FRYL: variants seen among roughly 807,000 people sequenced by gnomAD.
The protein encoded by FRYL is protein furry homolog-like.
Under a neutral mutation model 351.2 loss-of-function variants are expected in FRYL, and 150 were observed. The ratio of observed to expected loss-of-function variants is 0.43; its 90% CI spans 0.37 to 0.49. The LOEUF (loss-of-function observed/expected upper bound fraction) is 0.49, where lower values mean the gene tolerates loss of function less well. FRYL is among the 20% of genes least tolerant of loss of function. The probability of loss-of-function intolerance (pLI) is 0.00; values close to 1 mark genes in which losing one functional copy is unlikely to be tolerated. For missense variants in FRYL, 3,036 were observed against 3,619.3 expected, an observed-to-expected ratio of 0.84 and a Z score of 4.13; for synonymous variants, 1,153 against 1,257.1, an observed-to-expected ratio of 0.92 and a Z score of 1.75.
At chr4:48,647,633 G>A (rs1272781013) in intron 3 of FRYL, among the ~76,000 whole-genome samples, 2 of 152,132 alleles carry the variant, frequency 1.3e-5, no homozygotes, top group Non-Finnish European at 2.9e-5. Flanking sequence ...TCTCAAATGA[G>A]GTGAACCTAG....
chr4:48,540,236 C>A, intron 46 of FRYL, 117 bp downstream of exon 46: 1 of 1,248,964 alleles, frequency 8.0e-7, no homozygotes, highest in Non-Finnish European at 1.1e-6. Context: ...AGCTACCTAG[C>A]GTATAAAAAC....
At chr4:48,713,074 A>G (rs959141311) in intron 1 of FRYL, among the ~76,000 whole-genome samples, 3 of 152,142 alleles carry the variant, frequency 2.0e-5, no homozygotes, top group Non-Finnish European at 2.9e-5. Flanking sequence ...GAGCTCCTGA[A>G]GGAAACACTA....
At chr4:48,507,960 T>A (rs1721629510) in intron 59 of FRYL, among the ~76,000 whole-genome samples, 2 of 152,178 alleles carry the variant, frequency 1.3e-5, no homozygotes, top group African/African-American at 4.8e-5. Flanking sequence ...AATTCACCTG[T>A]GAGCCTTAGC....
In FRYL at chr4:48,763,106, T is replaced by TAAAA. The variant is rs10683757; in HGVS notation, c.-384+16968_-384+16971dup. 1.2e-3 allele frequency among the ~76,000 whole-genome samples: 111 copies of TAAAA among 91,500 alleles called. 3 individuals are homozygous for TAAAA. The highest frequency in any genetic ancestry group is 2.8e-3 in the South Asian group (6 of 2,110). 60.0% of individuals were successfully genotyped at this position (91,500 alleles called of 152,430 possible). A position where few individuals can be genotyped will look rare whatever the true frequency, so the allele number is the denominator to read the frequency against. On this transcript the variant is annotated intron_variant, in intron 1 of 63. Transcript: ENST00000358350. The stretch of plus-strand genomic sequence containing the variant: ...AATATTTTATATTTGTACAGATCTG[T>TAAAA]AAAAAAAAAAAAAAAAAAAAAAAGA...
At chr4:48,779,464 C>CCAGA (rs1776395654) in intron 1 of FRYL, among the ~76,000 whole-genome samples, 1 of 152,122 alleles carries the variant, frequency 6.6e-6, no homozygotes. Context: ...GGCGGAGAGA[C>CCAGA]CAGAGCAAGG....
chr4:48,530,162 T>C (rs1350748058), intron 50 of FRYL, among the ~76,000 whole-genome samples: 1 of 152,144 alleles, frequency 6.6e-6, no homozygotes, highest in Non-Finnish European at 1.5e-5. Context: ...CGGAACTCAT[T>C]GCCCCCTCTC....
intron 1 of FRYL, among the ~76,000 whole-genome samples, chr4:48,765,594 AT>A (rs1421069217): frequency 2.7e-5 from 4 of 150,312 alleles, no homozygotes; most frequent in Non-Finnish European, 1.5e-5. Flanking sequence ...CTTGGCAATG[AT>A]TTTTTTTTTG....
At position 48,543,895 on chromosome 4, in the gene FRYL, G is replaced by A. The variant is rs1730765638; in HGVS notation, c.5504C>T (p.Ala1835Val). 6.2e-7 allele frequency: 1 copy of A among 1,613,894 alleles called. No homozygotes were observed. The highest frequency in any genetic ancestry group is 8.5e-7 in the Non-Finnish European group (1 of 1,179,846). The part of the protein sequence containing the change: ...YAGRSFQIFR[A>V]LKQPLTATTL... ...AGTTGCAGTGAGAGGCTGCTTTAGG[G>A]CCCTGAAAATCTGAAAGGATCTCCC... Residue 1835 changes from alanine to valine, a missense_variant, in exon 44 of 64, where the codon GCC (alanine) becomes GTC (valine). Physicochemically the swap from Ala to Val is moderately conservative, Grantham distance 64. Transcript: ENST00000358350.
chr4:48,500,542 A>AG lies in FRYL; in HGVS notation c.8593-323_8593-322insC, dbSNP rs1719327390. Among the ~76,000 whole-genome samples the AG allele has an allele frequency of 2.0e-5, 3 of 152,366 alleles. No homozygotes were observed. In the South Asian group the frequency reaches 6.2e-4, roughly 32 times the overall value. On this transcript the variant is annotated intron_variant, in intron 62 of 63. Transcript: ENST00000358350. ...TATGGGGGATCATGAAAACTATATA[A>AG]CAGTAAAGTCTTTAGATTTTAAAAG...
In FRYL at chr4:48,623,166, G is replaced by T; in HGVS notation, c.134C>A (p.Ser45Tyr). ...VMAEPLEKLL[S>Y]RSLQRGEDLQ... is the part of the protein sequence containing the mutation. Reference sequence around the variant, plus strand: ...ATCTTCACCCCTCTGAAGAGATCTGGACAATAGCTTCTCCTATGATTAAAA... The same window carrying T: ...ATCTTCACCCCTCTGAAGAGATCTGTACAATAGCTTCTCCTATGATTAAAA... Residue 45 changes from serine to tyrosine, a missense_variant, in exon 5 of 64, where the codon TCC becomes TAC. This residue lies in a region of FRYL where 457 missense variants were observed against 566.6 expected (regional missense o/e 0.81). Transcript: ENST00000358350. 6.6e-7 allele frequency: 1 copy of T among 1,525,024 alleles called. No individual in the cohort carries two copies. The highest frequency in any genetic ancestry group is 8.9e-7 in the Non-Finnish European group (1 of 1,125,564). The allele number at this position is 1,525,024 out of a possible 1,614,324, so 94.5% of individuals were successfully genotyped here.
chr4:48,609,799 G>A lies in FRYL; in HGVS notation c.436C>T (p.Pro146Ser), dbSNP rs754151130. Residue 146 changes from proline to serine, a missense_variant, in exon 8 of 64, where the codon CCC (proline) becomes TCC (serine). Pro to Ser is a moderately conservative substitution (Grantham distance 74, BLOSUM62 -1). Coordinates refer to ENST00000358350, the MANE Select transcript of FRYL (RefSeq NM_015030.2). ...KQIPVHPVPD[P>S]LVHEVLNLAF... Reference sequence around the variant, plus strand: ...AAGTTTAGAACTTCATGAACTAAGGGATCGGGTACAGGATGAACAGGAATC... The same window carrying A: ...AAGTTTAGAACTTCATGAACTAAGGAATCGGGTACAGGATGAACAGGAATC... 1.9e-6 allele frequency: 3 copies of A among 1,594,698 alleles called. No individual in the cohort carries two copies. Among genetic ancestry groups the A allele is most frequent in the Admixed American group, 3.4e-5 (2 of 58,788 alleles).
intron 23 of FRYL, among the ~76,000 whole-genome samples, chr4:48,578,242 T>A (rs189620066): frequency 5.9e-5 from 9 of 152,120 alleles, no homozygotes; most frequent in African/African-American, 2.2e-4. Flanking sequence ...CAGAGTGAAG[T>A]CAGGTTTGAA....
intron 3 of FRYL, among the ~76,000 whole-genome samples, chr4:48,647,386 G>A (rs1227161812): frequency 2.6e-5 from 4 of 152,112 alleles, no homozygotes; most frequent in Non-Finnish European, 5.9e-5. Context: ...TATTATTCTG[G>A]CCTGTTTGCG....
chr4:48,770,289 GTGA>G (rs1775382664), intron 1 of FRYL, among the ~76,000 whole-genome samples: 1 of 151,920 alleles, frequency 6.6e-6, no homozygotes, highest in South Asian at 2.1e-4. Context: ...AAATGTTTAA[GTGA>G]TGATATTCAA....
At chr4:48,538,957 A>G (rs1729504232) in intron 47 of FRYL, among the ~76,000 whole-genome samples, 1 of 152,172 alleles carries the variant, frequency 6.6e-6, no homozygotes, top group African/African-American at 2.4e-5. Flanking sequence ...ACAGTTCCTT[A>G]TTGTTCTTGA....
chr4:48,540,001 A>G lies in FRYL; in HGVS notation c.6363T>C (p.Phe2121=). The change falls in exon 47 of 64, where the codon TTT becomes TTC. Residue 2121 remains phenylalanine, a synonymous_variant. Coordinates refer to ENST00000358350, the MANE Select transcript of FRYL (RefSeq NM_015030.2). ...LIQHFDSPTQ[F]CKETASRIAK... The stretch of plus-strand genomic sequence containing the variant: ...CTATTCGACTAGCTGTTTCTTTGCA[A>G]AACTGAGTTGGGCTGTCAAAATGCT... The G allele has an allele frequency of 6.2e-7, 1 of 1,613,288 alleles. No homozygotes were observed.
chr4:48,767,022 T>C (rs1256792894), intron 1 of FRYL, among the ~76,000 whole-genome samples: 5 of 147,730 alleles, frequency 3.4e-5, no homozygotes, highest in Non-Finnish European at 7.5e-5. Flanking sequence ...ATATTATATA[T>C]AAAATATGTA....
intron 4 of FRYL, among the ~76,000 whole-genome samples, 168 bp downstream of exon 4, chr4:48,634,123 C>T (rs1377766932): frequency 1.3e-5 from 2 of 152,108 alleles, no homozygotes; most frequent in Non-Finnish European, 2.9e-5. Context: ...TCTTTTGCGA[C>T]CTGCAGCAAC....
intron 3 of FRYL, among the ~76,000 whole-genome samples, chr4:48,651,225 T>C (rs1227087964): frequency 7.4e-6 from 1 of 135,902 alleles, no homozygotes; most frequent in Non-Finnish European, 1.6e-5. Flanking sequence ...TGTGTGTGTG[T>C]GTGTGTGTGT....
Sources: allele counts gnomAD v4.1 joint callset (sites outside exome capture counted in the v4.1 genomes callset), GRCh38; gene constraint gnomAD v4.1.1; regional missense constraint gnomAD v4.1.1; transcripts MANE v1.5; gene names NCBI Gene and HGNC (gene_info 2026-07-23, HGNC 2026-07-21).